OXR1: variants seen among roughly 807,000 people sequenced by gnomAD.
OXR1 encodes oxidation resistance protein 1.
OXR1 carries 41 observed loss-of-function variants against 104.6 expected under a neutral mutation model. The observed-to-expected ratio is 0.39, with a 90% CI of 0.31 to 0.51. The LOEUF (loss-of-function observed/expected upper bound fraction) is 0.51. OXR1 is among the 20% of genes least tolerant of loss of function. The pLI is 0.77. For missense variants in OXR1, 955 were observed against 1,031.9 expected (o/e 0.93, Z 1.02); for synonymous variants, 348 against 348.4 (o/e 1.00, Z 0.01).
At chr8:106,544,816 A>G (rs1055520063) in intron 3 of OXR1, among the ~76,000 whole-genome samples, 1 of 152,102 alleles carries the variant, frequency 6.6e-6, no homozygotes, top group African/African-American at 2.4e-5. Context: ...TGACTATCCT[A>G]TTATAAGAAC....
intron 3 of OXR1, among the ~76,000 whole-genome samples, chr8:106,569,168 C>T (rs1817289035): frequency 6.6e-6 from 1 of 152,088 alleles, no homozygotes; most frequent in Non-Finnish European, 1.5e-5. Flanking sequence ...TTATTTCCTA[C>T]TTTGACTTGT....
intron 2 of OXR1, among the ~76,000 whole-genome samples, chr8:106,370,295 GA>G: frequency 6.6e-6 from 1 of 152,108 alleles, no homozygotes; most frequent in East Asian, 1.9e-4. Context: ...AAGAAGTTTT[GA>G]GGCTGACACG....
intron 7 of OXR1, among the ~76,000 whole-genome samples, chr8:106,698,682 T>C (rs1830308087): frequency 6.6e-6 from 1 of 152,160 alleles, no homozygotes; most frequent in African/African-American, 2.4e-5. Context: ...ATCCAGCATA[T>C]TTCATCTCAC....
Position 106,396,350 on chromosome 8 carries a change from C to T in OXR1, c.23+36714C>T, listed in dbSNP as rs139614381. Among the ~76,000 whole-genome samples the T allele has an allele frequency of 3.6e-3, 540 of 152,044 alleles. 4 individuals carry two copies. The highest frequency in any genetic ancestry group is 0.012 in the African/African-American group (517 of 41,470). The stretch of plus-strand genomic sequence containing the variant: ...ATCAAAGTTAACGTTGCTGGTGATA[C>T]GGGACATCCATCTCATGTACCCCCT... On this transcript the variant is annotated intron_variant, in intron 2 of 16. Coordinates refer to ENST00000517566, the MANE Select transcript of OXR1 (RefSeq NM_001198533.2).
chr8:106,533,365 T>C (rs994196935), intron 3 of OXR1, among the ~76,000 whole-genome samples: 5 of 152,158 alleles, frequency 3.3e-5, no homozygotes, highest in African/African-American at 9.7e-5. Context: ...AAGAAGACGA[T>C]TAGGATGGGA....
At chr8:106,468,784 T>A (rs1273399877) in intron 2 of OXR1, among the ~76,000 whole-genome samples, 1 of 151,844 alleles carries the variant, frequency 6.6e-6, no homozygotes. Flanking sequence ...TAATAATGTT[T>A]GCAGAACTTG....
At chr8:106,704,939 A>G (rs1413978287) in intron 8 of OXR1, among the ~76,000 whole-genome samples, 4 of 152,150 alleles carry the variant, frequency 2.6e-5, no homozygotes, top group Admixed American at 2.6e-4. Context: ...AGATAAATAA[A>G]ACAAATGTAT....
chr8:106,568,725 T>A (rs1395662540), intron 3 of OXR1, among the ~76,000 whole-genome samples: 2 of 152,168 alleles, frequency 1.3e-5, no homozygotes, highest in East Asian at 3.8e-4. Context: ...CAACAATTTT[T>A]AAATTATTTT....
intron 3 of OXR1, among the ~76,000 whole-genome samples, chr8:106,551,368 T>A (rs1483156021): frequency 7.2e-5 from 11 of 152,178 alleles, no homozygotes; most frequent in Admixed American, 7.2e-4. Context: ...CCACAGAAAA[T>A]CCACTTGAAA....
intron 1 of OXR1, among the ~76,000 whole-genome samples, chr8:106,358,596 G>A (rs1192769408): frequency 1.3e-5 from 2 of 152,162 alleles, no homozygotes; most frequent in Non-Finnish European, 1.5e-5. Context: ...ATGCTCAATA[G>A]GTATTTGTTT....
chr8:106,711,145 T>G (rs1831642950), intron 10 of OXR1, among the ~76,000 whole-genome samples: 1 of 152,106 alleles, frequency 6.6e-6, no homozygotes, highest in Non-Finnish European at 1.5e-5. Context: ...AAATATTCAT[T>G]AAATATCTTC....
At chr8:106,302,783 G>A (rs577879420) in intron 1 of OXR1, among the ~76,000 whole-genome samples, 4 of 151,812 alleles carry the variant, frequency 2.6e-5, no homozygotes, top group East Asian at 3.9e-4. Flanking sequence ...ACAGAGTCTC[G>A]CTCTGTCACC....
chr8:106,663,965 A>G (rs984389922), intron 3 of OXR1, among the ~76,000 whole-genome samples: 2 of 152,146 alleles, frequency 1.3e-5, no homozygotes, highest in African/African-American at 4.8e-5. Flanking sequence ...CCACAAAACA[A>G]AAAACTCACA....
chr8:106,526,012 A>G (rs1813634871), intron 3 of OXR1, among the ~76,000 whole-genome samples: 1 of 152,244 alleles, frequency 6.6e-6, no homozygotes, highest in Non-Finnish European at 1.5e-5. Flanking sequence ...AGATTAAACT[A>G]AGGCCAGCCC....
At chr8:106,742,391 C>A in intron 15 of OXR1, 74 bp downstream of exon 15, 1 of 783,518 alleles carries the variant, frequency 1.3e-6, no homozygotes, top group Non-Finnish European at 2.1e-6. Flanking sequence ...TTTATAGATT[C>A]AGTGCTATTC....
intron 2 of OXR1, among the ~76,000 whole-genome samples, chr8:106,516,452 A>G (rs1181962144): frequency 1.3e-5 from 2 of 152,180 alleles, no homozygotes; most frequent in Admixed American, 6.5e-5. Flanking sequence ...GGTGCCCAGA[A>G]CAGTGTAGGG....
intron 1 of OXR1, among the ~76,000 whole-genome samples, chr8:106,299,565 G>A (rs1049936724): frequency 2.6e-5 from 4 of 152,074 alleles, no homozygotes; most frequent in Admixed American, 6.6e-5. Context: ...GGTGGTTGGG[G>A]TGATGTTGAT....
chr8:106,288,547 T>TAA (rs1812596082), intron 1 of OXR1, among the ~76,000 whole-genome samples: 1 of 150,190 alleles, frequency 6.7e-6, no homozygotes, highest in Admixed American at 6.7e-5. Context: ...TGTGTGTATA[T>TAA]ATATATAGTG....
intron 3 of OXR1, among the ~76,000 whole-genome samples, chr8:106,631,240 A>T (rs945082090): frequency 6.6e-6 from 1 of 152,182 alleles, no homozygotes; most frequent in African/African-American, 2.4e-5. Context: ...TAATTTCCAC[A>T]TCTATATAAA....
Sources: gnomAD v4.1 joint callset for allele counts (sites outside exome capture counted in the v4.1 genomes callset) on GRCh38, gnomAD v4.1.1 for gene constraint, MANE v1.5 for transcripts, NCBI Gene and HGNC (gene_info 2026-07-23, HGNC 2026-07-21) for gene names.